HPS1: variants seen among roughly 807,000 people sequenced by gnomAD.
HPS1 encodes the protein BLOC-3 complex member HPS1.
HPS1 carries 59 observed loss-of-function variants against 90.6 expected under a neutral mutation model. That is an observed-to-expected ratio of 0.65 (90% CI 0.53 to 0.81). The LOEUF (loss-of-function observed/expected upper bound fraction) is 0.81, where lower values mean the gene tolerates loss of function less well. HPS1 is among the 30% of genes least tolerant of loss of function. The probability of loss-of-function intolerance (pLI) is 0.00; values close to 1 mark genes in which losing one functional copy is unlikely to be tolerated. For missense variants in HPS1, 849 were observed against 896.7 expected (o/e 0.95, Z 0.68); for synonymous variants, 388 against 384.4 (o/e 1.01, Z -0.11).
In HPS1 at chr10:98,443,225, C is replaced by T. The variant is rs937102422; in HGVS notation, c.16G>A (p.Val6Met). The T allele has an allele frequency of 2.1e-5, 34 of 1,613,720 alleles. No homozygotes were observed. The highest frequency in any genetic ancestry group is 2.7e-5 in the African/African-American group (2 of 74,916). Residue 6 changes from valine to methionine, a missense_variant, in exon 3 of 20, where the codon GTG becomes ATG. Physicochemically the swap from Val to Met is conservative, Grantham distance 21 (BLOSUM62 1). Transcript: ENST00000361490. ...AGGACCTCTGCGCCCTCAGTGGCCA[C>T]CAAGACGCACTTCATCTGCCAGGGA... MKCVL[V>M]ATEGAEVLFY... is the part of the protein sequence containing the mutation.
Position 98,426,353 on chromosome 10 carries a change from A to C in HPS1, c.988-368T>G, listed in dbSNP as rs143588650. 5.3e-3 allele frequency among the ~76,000 whole-genome samples: 803 copies of C among 152,288 alleles called. 10 individuals carry two copies. Among genetic ancestry groups the C allele is most frequent in the African/African-American group, 0.017 (724 of 41,574 alleles). On this transcript the variant is annotated intron_variant, in intron 11 of 19. Coordinates refer to ENST00000361490, the MANE Select transcript of HPS1 (RefSeq NM_000195.5). ...CAGATGGAGGTATCTAATGTTCAACATTGTATCATTTCAATCACCCTCAGA... is the reference window on the plus strand; with the variant it reads ...CAGATGGAGGTATCTAATGTTCAACCTTGTATCATTTCAATCACCCTCAGA...
chr10:98,428,475 A>G (rs1177333604), intron 10 of HPS1, among the ~76,000 whole-genome samples: 1 of 152,146 alleles, frequency 6.6e-6, no homozygotes, highest in Non-Finnish European at 1.5e-5. Flanking sequence ...CACTGAACTC[A>G]CCTGGGAAAA....
Position 98,422,235 on chromosome 10 carries a change from C to T in HPS1, c.1743+134G>A, listed in dbSNP as rs376000800. 121 of 892,194 alleles carry T rather than the reference C, an allele frequency of 1.4e-4. 2 individuals are homozygous for T. Among genetic ancestry groups the T allele is most frequent in the African/African-American group, 1.3e-3 (78 of 61,384 alleles). 55.3% of individuals were successfully genotyped at this position (892,194 alleles called of 1,614,324 possible). ...ATACTTGTCGAGCATTTATTTATGC[C>T]GGCACTGGCCACTGCCTCCTTGGGC... On this transcript the variant is annotated intron_variant, in intron 17 of 19. Coordinates refer to ENST00000361490, the MANE Select transcript of HPS1 (RefSeq NM_000195.5).
chr10:98,424,538 A>G (rs1240416476), intron 13 of HPS1, among the ~76,000 whole-genome samples, 164 bp from the exon 14 acceptor site: 3 of 151,218 alleles, frequency 2.0e-5, no homozygotes, highest in Non-Finnish European at 4.4e-5. Context: ...AGCCCCCTGC[A>G]GACTTCAGTG....
In HPS1 at chr10:98,428,843, G is replaced by GTTT. The variant is rs749935229; in HGVS notation, c.937+727_937+729dup. 2.1e-4 allele frequency among the ~76,000 whole-genome samples: 31 copies of GTTT among 149,310 alleles called. No homozygotes were observed. The South Asian group carries it at 2.1e-3, about 10-fold the overall frequency. ...TAACATTTTGAATATTTGTAGTTTT[G>GTTT]TTTTGTTTTTTTTTTTGAGACAGAG... is the stretch of plus-strand genomic sequence containing the variant. On this transcript the variant is annotated intron_variant, in intron 10 of 19. Coordinates refer to ENST00000361490, the MANE Select transcript of HPS1 (RefSeq NM_000195.5).
intron 18 of HPS1, among the ~76,000 whole-genome samples, chr10:98,419,521 C>T (rs148990800): frequency 1.3e-5 from 2 of 152,192 alleles, no homozygotes; most frequent in African/African-American, 4.8e-5. Context: ...AGTAAGCTCC[C>T]CCCACTGGAC....
chr10:98,420,666 T>A (rs1397522412), intron 17 of HPS1, among the ~76,000 whole-genome samples: 1 of 152,120 alleles, frequency 6.6e-6, no homozygotes, highest in Non-Finnish European at 1.5e-5. Context: ...CAGTGAGCTG[T>A]GCTTGTGCCG....
chr10:98,422,181 C>T (rs751303735), intron 17 of HPS1, among the ~76,000 whole-genome samples, 188 bp downstream of exon 17: 4 of 152,316 alleles, frequency 2.6e-5, no homozygotes, highest in East Asian at 1.9e-4. Context: ...TGGACCTTGC[C>T]GTTCTCTCCA....
chr10:98,425,476 C>A, intron 13 of HPS1, 65 bp downstream of exon 13: 4 of 1,515,880 alleles, frequency 2.6e-6, no homozygotes, highest in Non-Finnish European at 3.6e-6. Flanking sequence ...TGCTGTGGAC[C>A]GGATGTACCC....
At chr10:98,432,246 C>G (rs1293732854) in intron 6 of HPS1, among the ~76,000 whole-genome samples, 1 of 152,212 alleles carries the variant, frequency 6.6e-6, no homozygotes, top group Non-Finnish European at 1.5e-5. Flanking sequence ...TAAAAGAAGT[C>G]TTTCCTAATG....
chr10:98,418,224 G>C lies in HPS1; in HGVS notation c.1891C>G (p.Leu631Val), dbSNP rs1251719121. 6.2e-7 allele frequency: 1 copy of C among 1,610,452 alleles called. No homozygotes were observed. Among genetic ancestry groups the C allele is most frequent in the Non-Finnish European group, 8.5e-7 (1 of 1,177,736 alleles). The change falls in exon 19 of 20, where the codon CTC becomes GTC. Residue 631 changes from leucine (L) to valine (V), a missense_variant. Coordinates refer to ENST00000361490, the MANE Select transcript of HPS1 (RefSeq NM_000195.5). ...CCGATAGGCACTGAGTCGTCGGAGA[G>C]GACGGGCACCTCGATCATCTGGAGT... is the stretch of plus-strand genomic sequence containing the variant. ...YKLQMIEVPV[L>V]SDDSVPIGML...
At chr10:98,426,611 T>C (rs1392834333) in intron 11 of HPS1, among the ~76,000 whole-genome samples, 1 of 152,226 alleles carries the variant, frequency 6.6e-6, no homozygotes, top group African/African-American at 2.4e-5. Context: ...AACATATGCA[T>C]GTGATGGACT....
chr10:98,417,717 C>T lies in HPS1; in HGVS notation c.1950G>A (p.Leu650=). ...MLGGDYYRKL[L]RYYSKNRPTE... ...TTGGGCGGTTCTTGCTGTAGTAGCG[C>T]AGGAGCTTCCTGGGGAGGAAGGGGA... is the stretch of plus-strand genomic sequence containing the variant. The change falls in exon 20 of 20, where the codon CTG becomes CTA. Residue 650 remains leucine (L), a synonymous_variant. Transcript: ENST00000361490. The surrounding 1 kb of genome is among the most constrained non-coding windows in gnomAD (Gnocchi z 4.2). 10 of 1,613,748 alleles carry T rather than the reference C, an allele frequency of 6.2e-6. No individual in the cohort carries two copies. The highest frequency in any genetic ancestry group is 8.5e-6 in the Non-Finnish European group (10 of 1,179,896).
intron 3 of HPS1, among the ~76,000 whole-genome samples, chr10:98,441,283 G>A (rs777955132): frequency 2.0e-5 from 3 of 152,134 alleles, no homozygotes; most frequent in Non-Finnish European, 2.9e-5. Context: ...AAAATGACAA[G>A]TATTTCTGAG....
chr10:98,436,263 A>T (rs11597139), intron 3 of HPS1, among the ~76,000 whole-genome samples: 19,478 of 152,174 alleles, frequency 0.13, 1,508 homozygotes, highest in South Asian at 0.22. Context: ...TCAGGGAAAT[A>T]GTTAAATAAA....
chr10:98,433,481 G>A (rs61873919), intron 6 of HPS1, among the ~76,000 whole-genome samples: 19,522 of 152,096 alleles, frequency 0.13, 1,522 homozygotes, highest in South Asian at 0.22. Context: ...TATTTACTAG[G>A]GCTTTATAAA....
chr10:98,423,284 C>CCA (rs1007135855), intron 16 of HPS1, among the ~76,000 whole-genome samples: 3 of 147,476 alleles, frequency 2.0e-5, no homozygotes, highest in African/African-American at 7.6e-5. Flanking sequence ...CAGGAACCCC[C>CCA]CCCCCGGTCC....
chr10:98,427,935 C>A (rs1426985108), intron 10 of HPS1, among the ~76,000 whole-genome samples: 1 of 152,146 alleles, frequency 6.6e-6, no homozygotes, highest in East Asian at 1.9e-4. Context: ...CAACCCAAAC[C>A]ATTTGTAAGT....
rs762839067 is a variant in HPS1 at position 98,427,258 on chromosome 10, G to T, written c.944C>A (p.Thr315Asn). 2 of 1,551,236 alleles carry T rather than the reference G, an allele frequency of 1.3e-6. No homozygotes were observed. Among genetic ancestry groups the T allele is most frequent in the East Asian group, 4.9e-5 (2 of 41,060 alleles). The change falls in exon 11 of 20, where the codon ACC becomes AAC. Residue 315 changes from threonine to asparagine, a missense_variant. Coordinates refer to ENST00000361490, the MANE Select transcript of HPS1 (RefSeq NM_000195.5). ...GGGGGTGCCCCCCTCCAGCCAGATG[G>T]TGCTACCTGCAGGCCACAGGTAATA... Reference protein sequence around the residue: ...PSPGDQSSGSTIWLEGGTPPM... With the variant: ...PSPGDQSSGSNIWLEGGTPPM...
Sources: allele counts gnomAD v4.1 joint callset (sites outside exome capture counted in the v4.1 genomes callset), GRCh38; gene constraint gnomAD v4.1.1; non-coding constraint Gnocchi (gnomAD v3.1); transcripts MANE v1.5; gene names NCBI Gene and HGNC (gene_info 2026-07-23, HGNC 2026-07-21).